The following PON2 variants were observed in gnomAD, a reference collection of about 807,000 sequenced individuals.
The protein encoded by PON2 is paraoxonase 2, also known as serum paraoxonase/arylesterase 2.
In PON2, 27 loss-of-function variants were observed where a neutral mutation model predicts 36.6. That is an observed-to-expected ratio of 0.74 (90% CI 0.54 to 1.02). The LOEUF is 1.02. Ranked by LOEUF, PON2 falls within the 50% of genes least tolerant of loss-of-function variation. PON2 has a pLI of 0.00. For synonymous variants in PON2, 149 were observed against 156.3 expected, an observed-to-expected ratio of 0.95 and a Z score of 0.35; for missense variants, 363 against 421.1, an observed-to-expected ratio of 0.86 and a Z score of 1.21.
At chr7:95,408,052 C>T (rs1311262122) in intron 6 of PON2, among the ~76,000 whole-genome samples, 1 of 152,168 alleles carries the variant, frequency 6.6e-6, no homozygotes, top group African/African-American at 2.4e-5. Flanking sequence ...AAACAAAGTC[C>T]AACCCTTTAC....
At chr7:95,412,265 G>T in intron 4 of PON2, 47 bp downstream of exon 4, 1 of 1,599,494 alleles carries the variant, frequency 6.3e-7, no homozygotes, top group Non-Finnish European at 8.6e-7. Flanking sequence ...ACAGTCATTT[G>T]TGAACCATCA....
At position 95,434,993 on chromosome 7, in the gene PON2, G is replaced by C. The variant is rs1327003541; in HGVS notation, c.-42C>G. ...GCGCTGCCTCGCTCCGGCCTGGCCA[G>C]CAGCTCCGTGGGCGGTGCCATCTTC... is the stretch of plus-strand genomic sequence containing the variant. On this transcript the variant is annotated 5_prime_UTR_variant, in exon 1 of 9. Transcript: ENST00000222572. 6.7e-7 allele frequency: 1 copy of C among 1,497,996 alleles called. No individual in the cohort carries two copies. Among genetic ancestry groups the C allele is most frequent in the South Asian group, 1.2e-5 (1 of 80,184 alleles). The allele number at this position is 1,497,996 out of a possible 1,614,324, so 92.8% of individuals were successfully genotyped here.
intron 2 of PON2, 66 bp from the exon 3 acceptor site, chr7:95,416,363 TG>T (rs1789062225): frequency 1.3e-6 from 2 of 1,536,600 alleles, no homozygotes; most frequent in Middle Eastern, 1.7e-4. Flanking sequence ...AGAGCATAAC[TG>T]GGACTCTGTT....
At position 95,426,272 on chromosome 7, in the gene PON2, A is replaced by AG. The variant is rs879630287; in HGVS notation, c.75-1688_75-1687insC. ...AATTGAAATTATAAAACAGAGAGAG[A>AG]AAAAAAAAGTTTATGTAGCCTAATG... On this transcript the variant is annotated intron_variant, in intron 1 of 8. Transcript: ENST00000222572. 2.2e-3 allele frequency among the ~76,000 whole-genome samples: 334 copies of AG among 151,944 alleles called. 1 individual carries two copies. The highest frequency in any genetic ancestry group is 3.6e-3 in the Non-Finnish European group (244 of 67,946).
At chr7:95,411,516 G>T in intron 5 of PON2, 137 bp downstream of exon 5, 1 of 1,109,698 alleles carries the variant, frequency 9.0e-7, no homozygotes, top group Non-Finnish European at 1.3e-6. Context: ...TATAAATAAG[G>T]AAATATAAGC....
At chr7:95,427,053 TATC>T (rs1243527419) in intron 1 of PON2, among the ~76,000 whole-genome samples, 2 of 152,344 alleles carry the variant, frequency 1.3e-5, no homozygotes, top group African/African-American at 4.8e-5. Context: ...TCTTGTATAA[TATC>T]ATGTTTTCAT....
At chr7:95,416,058 C>G (rs1789055725) in intron 3 of PON2, 184 bp downstream of exon 3, 1 of 1,070,708 alleles carries the variant, frequency 9.3e-7, no homozygotes, top group African/African-American at 1.6e-5. Flanking sequence ...TCTCAATGGG[C>G]AAAGAGTCTT....
At position 95,405,381 on chromosome 7, in the gene PON2, C is replaced by T. The variant is rs1365273323; in HGVS notation, c.1014G>A (p.Gly338=). 6.2e-7 allele frequency: 1 copy of T among 1,613,846 alleles called. No homozygotes were observed. The highest frequency in any genetic ancestry group is 1.3e-5 in the African/African-American group (1 of 74,910). The part of the protein sequence containing the change: ...QGSSVASVYD[G]KLLIGTLYHR... ...GGTATAAAGTGCCTATGAGCAGCTT[C>T]CCATCATACACTGAGGCTACAGAAC... The change falls in exon 9 of 9, where the codon GGG becomes GGA. Residue 338 remains glycine, a synonymous_variant. Transcript: ENST00000222572.
intron 2 of PON2, 105 bp downstream of exon 2, chr7:95,424,409 TA>T: frequency 1.1e-6 from 1 of 899,960 alleles, no homozygotes; most frequent in Non-Finnish European, 1.8e-6. Context: ...TAATGTGATT[TA>T]TCCACTGAAA....
At chr7:95,428,560 C>A (rs1585764928) in intron 1 of PON2, among the ~76,000 whole-genome samples, 2 of 152,224 alleles carry the variant, frequency 1.3e-5, no homozygotes, top group Admixed American at 1.3e-4. Flanking sequence ...TTGTAGATAG[C>A]TCAAAGTGCC....
At chr7:95,410,963 C>T (rs1788909196) in intron 5 of PON2, among the ~76,000 whole-genome samples, 1 of 151,752 alleles carries the variant, frequency 6.6e-6, no homozygotes, top group Admixed American at 6.6e-5. Context: ...CATAGATAGG[C>T]CCTAGATAGG....
At chr7:95,412,726 G>GACT (rs1788961598) in intron 3 of PON2, 1 of 504,978 alleles carries the variant, frequency 2.0e-6, no homozygotes, top group Admixed American at 3.3e-5. Flanking sequence ...AAGGTTGGTG[G>GACT]ACTAGGTGAT....
At position 95,405,168 on chromosome 7, in the gene PON2, A is replaced by T; in HGVS notation, c.*162T>A. On this transcript the variant is annotated 3_prime_UTR_variant, in exon 9 of 9. Coordinates refer to ENST00000222572, the MANE Select transcript of PON2 (RefSeq NM_000305.3). ...AACCTGTTCATTTTCCTTTTTTGTTAAAAGTGCTCTAAGAACTAAAAGGGC... is the reference window on the plus strand; with the variant it reads ...AACCTGTTCATTTTCCTTTTTTGTTTAAAGTGCTCTAAGAACTAAAAGGGC... 1 of 713,122 alleles carries T rather than the reference A, an allele frequency of 1.4e-6. No homozygotes were observed. Among genetic ancestry groups the T allele is most frequent in the Non-Finnish European group, 2.3e-6 (1 of 443,956 alleles). 44.2% of individuals were successfully genotyped at this position (713,122 alleles called of 1,614,324 possible).
chr7:95,429,510 CA>C (rs766851833), intron 1 of PON2, among the ~76,000 whole-genome samples: 2 of 152,174 alleles, frequency 1.3e-5, no homozygotes, highest in Admixed American at 6.6e-5. Flanking sequence ...CAGTCATTAG[CA>C]TGAAATCAAT....
chr7:95,419,544 T>G (rs1789145648), intron 2 of PON2, among the ~76,000 whole-genome samples: 1 of 152,174 alleles, frequency 6.6e-6, no homozygotes, highest in Non-Finnish European at 1.5e-5. Context: ...CCAGCATCCA[T>G]GTTCCCCTTC....
rs781446370 is a variant in PON2, at chr7:95,424,513, A to G, written c.145+2T>C. Reference sequence around the variant, plus strand: ...GCCCAACAAGCATTTTCATATACATACCAATTCCTTTAATCAGGTGGCAGT... The same window carrying G: ...GCCCAACAAGCATTTTCATATACATGCCAATTCCTTTAATCAGGTGGCAGT... On this transcript the variant is annotated splice_donor_variant, in intron 2 of 8. Coordinates refer to ENST00000222572, the MANE Select transcript of PON2 (RefSeq NM_000305.3). LOFTEE classifies it high-confidence loss of function. The G allele has an allele frequency of 2.2e-5, 36 of 1,610,452 alleles. No homozygotes were observed. Among genetic ancestry groups the G allele is most frequent in the Non-Finnish European group, 3.0e-5 (35 of 1,176,980 alleles).
chr7:95,410,074 C>G lies in PON2; in HGVS notation c.522G>C (p.Pro174=). 6.2e-7 allele frequency: 1 copy of G among 1,613,474 alleles called. No homozygotes were observed. The highest frequency in any genetic ancestry group is 8.5e-7 in the Non-Finnish European group (1 of 1,179,700). Residue 174 remains proline, a synonymous_variant, in exon 6 of 9, where the codon CCG becomes CCC. Transcript: ENST00000222572. ...GGTCATTTGTGGCATAGAAATGTGC[C>G]GGTCCAACAGCTGTGATGTCATTCA... The part of the protein sequence containing the change: ...PSVNDITAVG[P]AHFYATNDHY...
intron 2 of PON2, among the ~76,000 whole-genome samples, chr7:95,419,680 T>A (rs1789149463): frequency 6.6e-6 from 1 of 152,038 alleles, no homozygotes; most frequent in Non-Finnish European, 1.5e-5. Flanking sequence ...GAGAATACAA[T>A]ATATATGCAA....
At position 95,411,677 on chromosome 7, in the gene PON2, G is replaced by A. The variant is rs1263605354; in HGVS notation, c.470C>T (p.Thr157Ile). 2.5e-6 allele frequency: 4 copies of A among 1,613,922 alleles called. No individual in the cohort carries two copies. Among genetic ancestry groups the A allele is most frequent in the South Asian group, 1.1e-5 (1 of 91,058 alleles). The change falls in exon 5 of 9, where the codon ACA becomes ATA. Residue 157 changes from threonine to isoleucine, a missense_variant. Physicochemically the swap from Thr to Ile is moderately conservative, Grantham distance 89. Transcript: ENST00000222572. ...EAENSLLHLK[T>I]VKHELLPSVN... The stretch of plus-strand genomic sequence containing the variant: ...CCTTGGAAGAAGCTCATGTTTGACT[G>A]TTTTCAGATGCAACAGAGAATTTTC...
Sources: allele counts gnomAD v4.1 joint callset (sites outside exome capture counted in the v4.1 genomes callset), GRCh38; gene constraint gnomAD v4.1.1; transcripts MANE v1.5; gene names NCBI Gene and HGNC (gene_info 2026-07-23, HGNC 2026-07-21).